Variants in TRERF1 observed in about 807,000 individuals in gnomAD.
TRERF1 encodes transcriptional-regulating factor 1.
Under a neutral mutation model 122.9 loss-of-function variants are expected in TRERF1, and 27 were observed. That is an observed-to-expected ratio of 0.22 (90% CI 0.16 to 0.30). The LOEUF (loss-of-function observed/expected upper bound fraction) is 0.30. TRERF1 is among the 10% of genes least tolerant of loss of function. The pLI, the probability that TRERF1 is intolerant of heterozygous loss-of-function variation, is 1.00. For synonymous variants in TRERF1, 636 were observed against 641.7 expected (o/e 0.99, Z 0.13); for missense variants, 1,248 against 1,560.3 (o/e 0.80, Z 3.37).
intron 2 of TRERF1, among the ~76,000 whole-genome samples, chr6:42,420,893 C>T (rs958676919): frequency 1.3e-5 from 2 of 152,180 alleles, no homozygotes; most frequent in African/African-American, 4.8e-5. Flanking sequence ...GACAGGGGGC[C>T]ACCCAGCCTC....
At chr6:42,419,014 C>T (rs1782342320) in intron 2 of TRERF1, among the ~76,000 whole-genome samples, 1 of 152,180 alleles carries the variant, frequency 6.6e-6, no homozygotes, top group African/African-American at 2.4e-5. Context: ...CTCCTCCCAG[C>T]TGAGGCCATC....
At chr6:42,325,065 CAAAT>C (rs1207835339) in intron 3 of TRERF1, among the ~76,000 whole-genome samples, 3 of 151,856 alleles carry the variant, frequency 2.0e-5, no homozygotes, top group East Asian at 1.9e-4. Context: ...AGAAAAAAAA[CAAAT>C]AACCCCACTA....
At chr6:42,249,533 G>A (rs1775384111) in intron 13 of TRERF1, among the ~76,000 whole-genome samples, 1 of 152,196 alleles carries the variant, frequency 6.6e-6, no homozygotes, top group Non-Finnish European at 1.5e-5. Flanking sequence ...GGGGGAAGGA[G>A]ACCTTCTCCC....
At chr6:42,310,506 AC>A (rs767549985) in intron 3 of TRERF1, among the ~76,000 whole-genome samples, 1 of 152,212 alleles carries the variant, frequency 6.6e-6, no homozygotes, top group East Asian at 1.9e-4. Flanking sequence ...CTCGAGGGAT[AC>A]TTGGCAATGT....
At chr6:42,400,661 C>T (rs1395487475) in intron 2 of TRERF1, among the ~76,000 whole-genome samples, 1 of 152,196 alleles carries the variant, frequency 6.6e-6, no homozygotes, top group African/African-American at 2.4e-5. Flanking sequence ...CACTCTAGGA[C>T]AATCACCTCC....
intron 3 of TRERF1, among the ~76,000 whole-genome samples, chr6:42,338,143 G>A (rs1003396126): frequency 6.6e-6 from 1 of 152,212 alleles, no homozygotes; most frequent in African/African-American, 2.4e-5. Context: ...GCTCACTGCT[G>A]TGAGGAAGTG....
intron 1 of TRERF1, among the ~76,000 whole-genome samples, chr6:42,451,688 G>A (rs1419388409): frequency 6.7e-6 from 1 of 149,358 alleles, no homozygotes; most frequent in Admixed American, 6.7e-5. Context: ...GAGCAAGCGT[G>A]CAGGCTCTCC....
intron 3 of TRERF1, among the ~76,000 whole-genome samples, chr6:42,315,250 G>A (rs141134949): frequency 1.5e-3 from 231 of 152,334 alleles, no homozygotes; most frequent in Admixed American, 3.2e-3. Context: ...GGGCAGAGAT[G>A]CTGCTAAACA....
intron 2 of TRERF1, among the ~76,000 whole-genome samples, chr6:42,439,023 G>C (rs1656983095): frequency 6.6e-6 from 1 of 152,212 alleles, no homozygotes; most frequent in Non-Finnish European, 1.5e-5. Context: ...GACAGACACA[G>C]AAGTGAAAGT....
chr6:42,341,774 T>A (rs147071579), intron 3 of TRERF1, among the ~76,000 whole-genome samples: 1 of 152,186 alleles, frequency 6.6e-6, no homozygotes, highest in Middle Eastern at 3.2e-3. Context: ...GTTACCATAA[T>A]CCACTGGCAC....
chr6:42,231,570 T>C (rs1165094541), intron 17 of TRERF1, among the ~76,000 whole-genome samples: 1 of 152,126 alleles, frequency 6.6e-6, no homozygotes, highest in Admixed American at 6.6e-5. Context: ...CTCTCCCAGG[T>C]AATACTCCTT....
chr6:42,434,772 G>A (rs1785040479), intron 2 of TRERF1, among the ~76,000 whole-genome samples: 1 of 151,666 alleles, frequency 6.6e-6, no homozygotes, highest in African/African-American at 2.4e-5. Context: ...TGCTTATATG[G>A]AAGGAAATGA....
intron 2 of TRERF1, among the ~76,000 whole-genome samples, chr6:42,387,875 T>G (rs1038661026): frequency 6.6e-6 from 1 of 152,098 alleles, no homozygotes; most frequent in African/African-American, 2.4e-5. Flanking sequence ...TGGCACAATC[T>G]CAGTTCACTA....
intron 2 of TRERF1, among the ~76,000 whole-genome samples, chr6:42,445,644 G>A (rs1787377678): frequency 6.6e-6 from 1 of 151,846 alleles, no homozygotes; most frequent in Non-Finnish European, 1.5e-5. Flanking sequence ...TTCATCTCAG[G>A]AAACAGCACC....
Position 42,228,156 on chromosome 6 carries a change from C to T in TRERF1, c.*189G>A. The T allele has an allele frequency of 1.9e-6, 1 of 523,916 alleles. No homozygotes were observed. The highest frequency in any genetic ancestry group is 3.2e-6 in the Non-Finnish European group (1 of 309,726). 32.5% of individuals were successfully genotyped at this position (523,916 alleles called of 1,614,324 possible). A position where few individuals can be genotyped will look rare whatever the true frequency, so the allele number is the denominator to read the frequency against. On this transcript the variant is annotated 3_prime_UTR_variant, in exon 18 of 18. Coordinates refer to ENST00000372922, the Ensembl canonical transcript of TRERF1. This position sits in a 1 kb window ranked among gnomAD's most constrained non-coding sequence, Gnocchi z 4.2. ...GTGCCAATTATTTATTCCCCCAACC[C>T]CCCACAAAAACAAATTTTTTTAAAT...
chr6:42,334,581 T>C (rs1349020421), intron 3 of TRERF1, among the ~76,000 whole-genome samples: 1 of 152,200 alleles, frequency 6.6e-6, no homozygotes, highest in Non-Finnish European at 1.5e-5. Context: ...CTTAGACTGG[T>C]TACTCTGTGA....
intron 3 of TRERF1, among the ~76,000 whole-genome samples, chr6:42,319,659 A>C (rs1472334764): frequency 6.6e-6 from 1 of 151,828 alleles, no homozygotes; most frequent in Non-Finnish European, 1.5e-5. Flanking sequence ...CCATGTCTAC[A>C]AAAAAATGTA....
At chr6:42,366,213 T>C (rs1294285151) in intron 2 of TRERF1, among the ~76,000 whole-genome samples, 1 of 152,228 alleles carries the variant, frequency 6.6e-6, no homozygotes, top group Non-Finnish European at 1.5e-5. Context: ...AAGAGCTCCC[T>C]GTGCCCATGT....
intron 2 of TRERF1, among the ~76,000 whole-genome samples, chr6:42,443,852 A>G (rs1157091482): frequency 6.6e-6 from 1 of 152,214 alleles, no homozygotes; most frequent in Non-Finnish European, 1.5e-5. Flanking sequence ...TCTGAAAAGA[A>G]GACCTGGCTG....
Sources: gnomAD v4.1 joint callset for allele counts (sites outside exome capture counted in the v4.1 genomes callset) on GRCh38, gnomAD v4.1.1 for gene constraint, Gnocchi (gnomAD v3.1) non-coding constraint, MANE v1.5 for transcripts, NCBI Gene and HGNC (gene_info 2026-07-23, HGNC 2026-07-21) for gene names.